Variants in ERBB4 observed in about 807,000 individuals in gnomAD.
The protein encoded by ERBB4 is erb-b2 receptor tyrosine kinase 4.
Under a neutral mutation model 158.0 loss-of-function variants are expected in ERBB4, and 42 were observed. The observed-to-expected ratio is 0.27, with a 90% confidence interval of 0.21 to 0.34. ERBB4 has a LOEUF of 0.34. ERBB4 is among the 10% of genes least tolerant of loss of function. The pLI is 1.00. For missense variants in ERBB4, 1,333 were observed against 1,624.1 expected, an observed-to-expected ratio of 0.82 and a Z score of 3.08; for synonymous variants, 583 against 558.7, an observed-to-expected ratio of 1.04 and a Z score of -0.61.
chr2:211,793,747 C>T (rs1395729492), intron 3 of ERBB4, among the ~76,000 whole-genome samples: 1 of 151,872 alleles, frequency 6.6e-6, no homozygotes, highest in Admixed American at 6.6e-5. Context: ...CCAGACCTTT[C>T]AGCTGGGAGC....
intron 4 of ERBB4, among the ~76,000 whole-genome samples, chr2:211,766,067 G>A (rs1260607559): frequency 2.6e-5 from 4 of 151,914 alleles, no homozygotes; most frequent in Non-Finnish European, 5.9e-5. Context: ...TTTCTTTTAT[G>A]TATTTCTCTT....
chr2:211,995,878 C>A (rs1423255745), intron 2 of ERBB4, among the ~76,000 whole-genome samples: 13 of 152,150 alleles, frequency 8.5e-5, no homozygotes, highest in Admixed American at 8.5e-4. Context: ...CACATATATA[C>A]ACTAGGGATT....
chr2:211,929,024 C>A (rs1020035222), intron 3 of ERBB4, among the ~76,000 whole-genome samples: 5 of 152,054 alleles, frequency 3.3e-5, no homozygotes, highest in African/African-American at 1.2e-4. Context: ...TAATTAAATA[C>A]ACACAGCCAT....
intron 1 of ERBB4, among the ~76,000 whole-genome samples, chr2:212,236,197 G>T (rs2083866943): frequency 6.6e-6 from 1 of 152,124 alleles, no homozygotes; most frequent in Non-Finnish European, 1.5e-5. Context: ...TTTTATAGGA[G>T]GCCTCTTCTG....
chr2:211,710,873 C>T (rs1298479758), intron 9 of ERBB4, among the ~76,000 whole-genome samples: 5 of 151,938 alleles, frequency 3.3e-5, no homozygotes, highest in African/African-American at 9.6e-5. Context: ...GTGAGTCCAC[C>T]GAACCTCTTT....
chr2:212,322,219 T>C (rs1280807919), intron 1 of ERBB4, among the ~76,000 whole-genome samples: 1 of 150,382 alleles, frequency 6.6e-6, no homozygotes, highest in Non-Finnish European at 1.5e-5. Flanking sequence ...GAAGACAGAA[T>C]TGGCCTGGGT....
chr2:212,272,759 G>A (rs2085390218), intron 1 of ERBB4, among the ~76,000 whole-genome samples: 1 of 151,656 alleles, frequency 6.6e-6, no homozygotes, highest in African/African-American at 2.4e-5. Context: ...TGCGTAGAAA[G>A]ATTCTACTGT....
At chr2:211,888,585 C>T (rs2078867210) in intron 3 of ERBB4, among the ~76,000 whole-genome samples, 1 of 152,152 alleles carries the variant, frequency 6.6e-6, no homozygotes. Context: ...TCTACAGCTC[C>T]CAGCGTGAGC....
chr2:211,463,002 ATT>A (rs941239212), intron 20 of ERBB4, among the ~76,000 whole-genome samples: 4 of 152,182 alleles, frequency 2.6e-5, no homozygotes, highest in African/African-American at 9.6e-5. Context: ...CACCACAAAT[ATT>A]CCACTGCTGT....
At chr2:212,320,174 ATC>A (rs2087494341) in intron 1 of ERBB4, among the ~76,000 whole-genome samples, 1 of 148,134 alleles carries the variant, frequency 6.8e-6, no homozygotes, top group South Asian at 2.1e-4. Context: ...GACTGGGTAA[ATC>A]TACCAGGCCG....
At chr2:212,522,536 G>T (rs1692228552) in intron 1 of ERBB4, among the ~76,000 whole-genome samples, 1 of 151,940 alleles carries the variant, frequency 6.6e-6, no homozygotes, top group Non-Finnish European at 1.5e-5. Flanking sequence ...GCTCTGTATA[G>T]GGGTAAGAGC....
intron 13 of ERBB4, among the ~76,000 whole-genome samples, chr2:211,673,530 A>AAAAAAAAAAAAAAAAAT (rs2071932521): frequency 1.4e-5 from 2 of 147,438 alleles, no homozygotes; most frequent in Non-Finnish European, 3.0e-5. Flanking sequence ...AAAAAAAAAA[A>AAAAAAAAAAAAAAAAAT]GCTACAAAGT....
Position 212,058,691 on chromosome 2 carries a change from G to A in ERBB4, c.234+66061C>T, listed in dbSNP as rs573423553. Among the ~76,000 whole-genome samples the A allele has an allele frequency of 1.7e-4, 26 of 151,992 alleles. No individual in the cohort carries two copies. The South Asian group carries it at 4.6e-3, about 27-fold the overall frequency. The stretch of plus-strand genomic sequence containing the variant: ...ATAAAAAGAACTAAAGACAAAAATC[G>A]CATGATTATCTCAATAGATGCAGAA... On this transcript the variant is annotated intron_variant, in intron 2 of 27. Transcript: ENST00000342788.
chr2:212,160,557 A>T (rs1281119288), intron 1 of ERBB4, among the ~76,000 whole-genome samples: 1 of 151,952 alleles, frequency 6.6e-6, no homozygotes. Context: ...TCTATGTCCC[A>T]TTGTCTCTAT....
At chr2:211,573,913 A>C (rs2125751870) in intron 19 of ERBB4, among the ~76,000 whole-genome samples, 1 of 152,230 alleles carries the variant, frequency 6.6e-6, no homozygotes, top group Non-Finnish European at 1.5e-5. Flanking sequence ...TTGCTACCAA[A>C]TCTTTAGTTT....
chr2:212,177,530 CAGG>C (rs1212985258), intron 1 of ERBB4, among the ~76,000 whole-genome samples: 1 of 151,838 alleles, frequency 6.6e-6, no homozygotes, highest in Non-Finnish European at 1.5e-5. Flanking sequence ...TAGGGTAATG[CAGG>C]AGATATAAAC....
intron 3 of ERBB4, among the ~76,000 whole-genome samples, chr2:211,872,492 T>A (rs1035601819): frequency 1.3e-5 from 2 of 152,170 alleles, no homozygotes; most frequent in African/African-American, 4.8e-5. Flanking sequence ...CTGAGTTATA[T>A]CTATAAAATC....
At chr2:212,282,495 T>C (rs2085796398) in intron 1 of ERBB4, among the ~76,000 whole-genome samples, 1 of 151,978 alleles carries the variant, frequency 6.6e-6, no homozygotes. Flanking sequence ...ATTCGACTTG[T>C]ATGAAGTAAC....
In ERBB4 at chr2:212,240,315, C is replaced by T. The variant is rs552734370; in HGVS notation, c.83-115412G>A. 3.3e-5 allele frequency among the ~76,000 whole-genome samples: 5 copies of T among 152,178 alleles called. No individual in the cohort carries two copies. In the South Asian group the frequency reaches 1.0e-3, roughly 32 times the overall value. On this transcript the variant is annotated intron_variant, in intron 1 of 27. Transcript: ENST00000342788. ...TCATAACACACTTATTGGAGAGGTG[C>T]CCTTCCTATTCTCTAAGGAAAAGAA...
Sources: gnomAD v4.1 joint callset for allele counts (sites outside exome capture counted in the v4.1 genomes callset) on GRCh38, gnomAD v4.1.1 for gene constraint, MANE v1.5 for transcripts, NCBI Gene and HGNC (gene_info 2026-07-23, HGNC 2026-07-21) for gene names.